Variants in ADCY5 observed in about 807,000 individuals in gnomAD.
ADCY5 encodes the protein adenylate cyclase type 5.
Under a neutral mutation model 119.7 loss-of-function variants are expected in ADCY5, and 30 were observed. The ratio of observed to expected loss-of-function variants is 0.25; its 90% CI spans 0.19 to 0.34. ADCY5 has a LOEUF of 0.34. ADCY5 is among the 10% of genes least tolerant of loss of function. The pLI is 1.00. For synonymous variants in ADCY5, 753 were observed against 762.2 expected (o/e 0.99, Z 0.20); for missense variants, 1,324 against 1,775.2 (o/e 0.75, Z 4.57).
intron 20 of ADCY5, among the ~76,000 whole-genome samples, chr3:123,285,727 G>A (rs888859022): frequency 3.9e-5 from 6 of 152,212 alleles, no homozygotes; most frequent in Non-Finnish European, 5.9e-5. Context: ...TGGGCTGGAA[G>A]CCTTGGAAAC....
At chr3:123,404,847 A>G (rs1309944881) in intron 1 of ADCY5, among the ~76,000 whole-genome samples, 9 of 152,266 alleles carry the variant, frequency 5.9e-5, no homozygotes, top group South Asian at 4.1e-4. Flanking sequence ...ACATCTGGGC[A>G]GGAGACCTCT....
rs6148049 is a variant in ADCY5, at chr3:123,358,155, C to CGTGTGTGTGTGTGTGTGTGT, written c.1135-5594_1135-5575dup. 2.1e-3 allele frequency among the ~76,000 whole-genome samples: 289 copies of CGTGTGTGTGTGTGTGTGTGT among 140,952 alleles called. 6 individuals are homozygous for CGTGTGTGTGTGTGTGTGTGT. The highest frequency in any genetic ancestry group is 4.6e-3 in the African/African-American group (162 of 35,268). The allele number at this position is 140,952 out of a possible 152,430, so 92.5% of individuals were successfully genotyped here. A position where few individuals can be genotyped will look rare whatever the true frequency, so the allele number is the denominator to read the frequency against. On this transcript the variant is annotated intron_variant, in intron 1 of 20. Coordinates refer to ENST00000462833, the MANE Select transcript of ADCY5 (RefSeq NM_183357.3). ...GGGACACATCTAACCACATGGAACACGTGTGTGTGTGTGTGTGTGTGTGTG... is the reference window on the plus strand; with the variant it reads ...GGGACACATCTAACCACATGGAACACGTGTGTGTGTGTGTGTGTGTGTGTGTGTGTGTGTGTGTGTGTGTG...
At chr3:123,348,014 C>A in intron 2 of ADCY5, 111 bp from the exon 3 acceptor site, 1 of 1,055,296 alleles carries the variant, frequency 9.5e-7, no homozygotes, top group Non-Finnish European at 1.3e-6. Flanking sequence ...CTCTCAGGCT[C>A]TCCCGGGACT....
At chr3:123,416,136 A>T in intron 1 of ADCY5, 1 of 1,533,566 alleles carries the variant, frequency 6.5e-7, no homozygotes, top group Non-Finnish European at 8.7e-7. Context: ...GAGAATCAGC[A>T]GAAAGGGACA....
chr3:123,367,690 G>T (rs886309724), intron 1 of ADCY5, among the ~76,000 whole-genome samples: 1 of 152,150 alleles, frequency 6.6e-6, no homozygotes, highest in Non-Finnish European at 1.5e-5. Flanking sequence ...GGAAGAAGGA[G>T]CCCACCTGAA....
At chr3:123,345,789 C>CACACACACACACACACACACAT (rs1942520873) in intron 3 of ADCY5, among the ~76,000 whole-genome samples, 1 of 151,196 alleles carries the variant, frequency 6.6e-6, no homozygotes, top group African/African-American at 2.5e-5. Context: ...CACACACACA[C>CACACACACACACACACACACAT]ACACACAGGA....
chr3:123,318,244 G>C, intron 10 of ADCY5, 127 bp from the exon 11 acceptor site: 1 of 667,328 alleles, frequency 1.5e-6, no homozygotes, highest in Non-Finnish European at 2.7e-6. Context: ...TCCCACAACA[G>C]GGAAGACTCG....
At chr3:123,363,522 T>G (rs537152567) in intron 1 of ADCY5, among the ~76,000 whole-genome samples, 1 of 152,314 alleles carries the variant, frequency 6.6e-6, no homozygotes, top group East Asian at 1.9e-4. Flanking sequence ...GAAACCTCAG[T>G]AGCTTGAACA....
At chr3:123,418,999 G>T in intron 1 of ADCY5, 1 of 314,570 alleles carries the variant, frequency 3.2e-6, no homozygotes, top group Non-Finnish European at 4.6e-6. Context: ...CACGTCACTG[G>T]CTTTTCTGGT....
chr3:123,362,280 G>C (rs1199933783), intron 1 of ADCY5, among the ~76,000 whole-genome samples: 1 of 152,134 alleles, frequency 6.6e-6, no homozygotes, highest in Non-Finnish European at 1.5e-5. Context: ...CGCCAACATT[G>C]CATGGGGGTT....
chr3:123,381,991 G>A (rs141184902), intron 1 of ADCY5, among the ~76,000 whole-genome samples: 23 of 152,272 alleles, frequency 1.5e-4, no homozygotes, highest in African/African-American at 4.3e-4. Flanking sequence ...AAGGCCCTTC[G>A]CGGTCTACCT....
intron 9 of ADCY5, 97 bp from the exon 10 acceptor site, chr3:123,319,915 C>A: frequency 6.7e-7 from 1 of 1,492,570 alleles, no homozygotes; most frequent in South Asian, 1.3e-5. Flanking sequence ...CTCGGAGAGG[C>A]CTGGCAGCTG....
chr3:123,367,703 C>T (rs1193938627), intron 1 of ADCY5, among the ~76,000 whole-genome samples: 2 of 152,124 alleles, frequency 1.3e-5, no homozygotes, highest in East Asian at 1.9e-4. Context: ...CACCTGAACT[C>T]GGAGTTCTGG....
intron 2 of ADCY5, among the ~76,000 whole-genome samples, 182 bp from the exon 3 acceptor site, chr3:123,348,085 G>GTGTGTGTGTGTGTGTGTC (rs1167576228): frequency 6.6e-6 from 1 of 150,526 alleles, no homozygotes; most frequent in African/African-American, 2.5e-5. Flanking sequence ...GTGTGTATGT[G>GTGTGTGTGTGTGTGTGTC]TGTGCAGGAT....
At chr3:123,406,720 G>C (rs1054700055) in intron 1 of ADCY5, among the ~76,000 whole-genome samples, 2 of 152,172 alleles carry the variant, frequency 1.3e-5, no homozygotes, top group Non-Finnish European at 2.9e-5. Flanking sequence ...GTAATGATGG[G>C]AGGGACAAGG....
At position 123,283,368 on chromosome 3, in the gene ADCY5, G is replaced by GGATGA. The variant is rs1372522187; in HGVS notation, c.*1235_*1239dup. On this transcript the variant is annotated 3_prime_UTR_variant, in exon 21 of 21. Transcript: ENST00000462833. ...GGAGGGCACCACACTGCCTGTCGCA[G>GGATGA]GATGAGATTGCTTCCCTTGGTTCCA... 4.6e-5 allele frequency: 7 copies of GGATGA among 152,250 alleles called. No individual in the cohort carries two copies. The highest frequency in any genetic ancestry group is 1.7e-4 in the African/African-American group (7 of 41,454). The allele number at this position is 152,250 out of a possible 1,614,324, so 9.4% of individuals were successfully genotyped here.
intron 1 of ADCY5, among the ~76,000 whole-genome samples, chr3:123,439,238 A>G (rs1374109161): frequency 6.6e-6 from 1 of 150,722 alleles, no homozygotes; most frequent in African/African-American, 2.4e-5. Context: ...TGTATTTTGT[A>G]TTTTTAGTAG....
intron 12 of ADCY5, among the ~76,000 whole-genome samples, chr3:123,311,890 G>A (rs1395071845): frequency 6.6e-6 from 1 of 151,986 alleles, no homozygotes; most frequent in African/African-American, 2.4e-5. Flanking sequence ...CACAGAGGCA[G>A]CAAAAATCAC....
chr3:123,384,723 A>T (rs1165759137), intron 1 of ADCY5, among the ~76,000 whole-genome samples: 2 of 152,016 alleles, frequency 1.3e-5, no homozygotes, highest in African/African-American at 4.8e-5. Flanking sequence ...CTTCTTTCCC[A>T]CCTTCCCACT....
Sources: gnomAD v4.1 joint callset for allele counts (sites outside exome capture counted in the v4.1 genomes callset) on GRCh38, gnomAD v4.1.1 for gene constraint, MANE v1.5 for transcripts, NCBI Gene and HGNC (gene_info 2026-07-23, HGNC 2026-07-21) for gene names.